DISC1: variants seen among roughly 807,000 people sequenced by gnomAD.
DISC1 encodes DISC1 scaffold protein.
Under a neutral mutation model 84.5 loss-of-function variants are expected in DISC1, and 57 were observed. The observed-to-expected ratio is 0.67, with a 90% CI of 0.55 to 0.84. The LOEUF (loss-of-function observed/expected upper bound fraction) is 0.84, where lower values mean the gene tolerates loss of function less well. Among genes scored for constraint, DISC1 ranks in the 40% least tolerant of loss-of-function variants. The pLI is 0.00. For synonymous variants in DISC1, 411 were observed against 415.2 expected (o/e 0.99, Z 0.12); for missense variants, 1,000 against 1,057.8 (o/e 0.95, Z 0.76).
intron 10 of DISC1, among the ~76,000 whole-genome samples, chr1:231,988,354 G>T (rs574572352): frequency 1.4e-4 from 22 of 152,292 alleles, no homozygotes; most frequent in Non-Finnish European, 2.6e-4. Context: ...TCATAGGCAC[G>T]TTAATTATTT....
chr1:231,662,637 A>G (rs1040185284), intron 1 of DISC1, among the ~76,000 whole-genome samples: 1 of 152,242 alleles, frequency 6.6e-6, no homozygotes, highest in African/African-American at 2.4e-5. Flanking sequence ...GACCAAAGAG[A>G]TGGTGGCTGC....
In DISC1 at chr1:231,985,090, G is replaced by A. The variant is rs547345057; in HGVS notation, c.2043-23695G>A. On this transcript the variant is annotated intron_variant, in intron 10 of 12. Coordinates refer to ENST00000439617, the MANE Select transcript of DISC1 (RefSeq NM_018662.3). The stretch of plus-strand genomic sequence containing the variant: ...AATCCCAGCACTTTGGGAGGCCAAG[G>A]TGGGTGGGTCACCTGAGGTCAGAAG... 4.6e-5 allele frequency among the ~76,000 whole-genome samples: 7 copies of A among 152,210 alleles called. No homozygotes were observed. The South Asian group carries it at 1.5e-3, about 32-fold the overall frequency.
chr1:231,641,920 G>C (rs994193746), intron 1 of DISC1, among the ~76,000 whole-genome samples: 4 of 152,234 alleles, frequency 2.6e-5, no homozygotes, highest in Admixed American at 2.6e-4. Flanking sequence ...TACAGGTGGA[G>C]CTGCCTGCCA....
chr1:231,845,987 C>T (rs534643248), intron 9 of DISC1, among the ~76,000 whole-genome samples: 2 of 152,072 alleles, frequency 1.3e-5, no homozygotes, highest in South Asian at 2.1e-4. Context: ...AGGATCAAGG[C>T]CCCCAGAGAA....
intron 9 of DISC1, among the ~76,000 whole-genome samples, chr1:231,884,179 C>G (rs758181305): frequency 6.6e-6 from 1 of 152,124 alleles, no homozygotes; most frequent in Non-Finnish European, 1.5e-5. Flanking sequence ...CAGTGGCAAC[C>G]TCCGAGTGTG....
In DISC1 at chr1:232,038,940, G is replaced by C. The variant is rs201643607; in HGVS notation, c.*2109G>C. The C allele has an allele frequency of 2.9e-4, 44 of 152,338 alleles. No homozygotes were observed. The highest frequency in any genetic ancestry group is 1.0e-3 in the African/African-American group (43 of 41,574). The allele number at this position is 152,338 out of a possible 1,614,324, so 9.4% of individuals were successfully genotyped here. A position where few individuals can be genotyped will look rare whatever the true frequency, so the allele number is the denominator to read the frequency against. ...GTGCAGCACTTCTGTCCTCAGTCAA[G>C]GAGATGGCCATGCTTAAGCCAGCAA... On this transcript the variant is annotated 3_prime_UTR_variant, in exon 13 of 13. Coordinates refer to ENST00000439617, the MANE Select transcript of DISC1 (RefSeq NM_018662.3).
intron 4 of DISC1, among the ~76,000 whole-genome samples, chr1:231,760,067 C>G (rs1573578404): frequency 6.6e-6 from 1 of 152,326 alleles, no homozygotes; most frequent in East Asian, 1.9e-4. Flanking sequence ...TCATGTGCCT[C>G]TCTTGCCGGG....
Position 231,792,714 on chromosome 1 carries a change from C to T in DISC1, c.1635-2528C>T, listed in dbSNP as rs140019859. On this transcript the variant is annotated intron_variant, in intron 6 of 12. Coordinates refer to ENST00000439617, the MANE Select transcript of DISC1 (RefSeq NM_018662.3). ...CCAGTACGGGTCCATGTTGGATGCC[C>T]TCTGTCCTTCTCACCACCCTAAGTG... 2.6e-3 allele frequency among the ~76,000 whole-genome samples: 402 copies of T among 152,300 alleles called. 2 individuals carry two copies. Among genetic ancestry groups the T allele is most frequent in the African/African-American group, 9.1e-3 (379 of 41,572 alleles).
At chr1:231,930,015 G>A (rs1034692260) in intron 9 of DISC1, among the ~76,000 whole-genome samples, 1 of 152,124 alleles carries the variant, frequency 6.6e-6, no homozygotes, top group Non-Finnish European at 1.5e-5. Context: ...GTTAGCCCTG[G>A]ACATCAAGCC....
At chr1:231,790,350 G>T (rs1194767885) in intron 6 of DISC1, among the ~76,000 whole-genome samples, 1 of 152,112 alleles carries the variant, frequency 6.6e-6, no homozygotes, top group Middle Eastern at 3.2e-3. Flanking sequence ...TTAGACAACA[G>T]AAATTTATTT....
chr1:231,828,822 A>G (rs928305683), intron 9 of DISC1, among the ~76,000 whole-genome samples: 5 of 152,106 alleles, frequency 3.3e-5, no homozygotes, highest in African/African-American at 1.2e-4. Flanking sequence ...GCACCAGTTA[A>G]TCCTCGTAAC....
At chr1:231,966,742 T>C (rs1329320966) in intron 10 of DISC1, among the ~76,000 whole-genome samples, 1 of 152,250 alleles carries the variant, frequency 6.6e-6, no homozygotes, top group Non-Finnish European at 1.5e-5. Context: ...CTTGGTAGAT[T>C]ATAAGTGATG....
rs1411973345 is a variant in DISC1, at chr1:231,800,196, T to G, written c.1778T>G (p.Met593Arg). 6.2e-7 allele frequency: 1 copy of G among 1,611,770 alleles called. No homozygotes were observed. Among genetic ancestry groups the G allele is most frequent in the Non-Finnish European group, 8.5e-7 (1 of 1,179,528 alleles). Reference protein sequence around the residue: ...TQLPALLEAKMHAISGNHFWT... With the variant: ...TQLPALLEAKRHAISGNHFWT... ...CTACCAGCCTTGCTTGAAGCCAAAA[T>G]GCATGCCATATCAGGTAACTGGCAG... The change falls in exon 8 of 13, where the codon ATG (methionine) becomes AGG (arginine). Residue 593 changes from methionine to arginine, a missense_variant. By Grantham distance (91) the Met-to-Arg change is moderately conservative. Around this residue, in one of 3 missense-constraint regions of DISC1, gnomAD observed 397 missense variants for 377.5 expected, o/e 1.05. Transcript: ENST00000439617.
intron 3 of DISC1, among the ~76,000 whole-genome samples, chr1:231,714,274 G>A (rs1051861597): frequency 1.3e-5 from 2 of 152,048 alleles, no homozygotes; most frequent in East Asian, 3.9e-4. Context: ...ATGGAAAATA[G>A]CCCAGAAATA....
At position 231,722,038 on chromosome 1, in the gene DISC1, G is replaced by T. The variant is rs567898068; in HGVS notation, c.1117+20014G>T. On this transcript the variant is annotated intron_variant, in intron 3 of 12. Transcript: ENST00000439617. Reference sequence around the variant, plus strand: ...TGTGGTGGCGGGCACCTGTAATCCCGGCTACTCGGGAGGCTGAGGCAGGAG... The same window carrying T: ...TGTGGTGGCGGGCACCTGTAATCCCTGCTACTCGGGAGGCTGAGGCAGGAG... Among the ~76,000 whole-genome samples, 15 of 151,620 alleles carry T rather than the reference G, an allele frequency of 9.9e-5. No homozygotes were observed. The South Asian group carries it at 3.1e-3, about 32-fold the overall frequency.
chr1:231,987,491 C>T (rs923726758), intron 10 of DISC1, among the ~76,000 whole-genome samples: 2 of 152,256 alleles, frequency 1.3e-5, no homozygotes, highest in African/African-American at 4.8e-5. Context: ...AAATAATCAG[C>T]ACCATACAAA....
chr1:231,734,052 A>C (rs942714117), intron 3 of DISC1, among the ~76,000 whole-genome samples: 2 of 151,900 alleles, frequency 1.3e-5, no homozygotes, highest in Non-Finnish European at 2.9e-5. Context: ...GTTTGTGAGC[A>C]CTTTCCATTG....
At chr1:231,910,778 TAA>T (rs1489099541) in intron 9 of DISC1, among the ~76,000 whole-genome samples, 3 of 152,314 alleles carry the variant, frequency 2.0e-5, no homozygotes, top group African/African-American at 7.2e-5. Flanking sequence ...AGTGGGGTGT[TAA>T]AGTCTCCCAT....
chr1:231,962,617 G>C (rs1660543406), intron 10 of DISC1, among the ~76,000 whole-genome samples: 1 of 152,208 alleles, frequency 6.6e-6, no homozygotes, highest in Non-Finnish European at 1.5e-5. Flanking sequence ...TTTATGGTCA[G>C]CTCCAAGACA....
Sources: allele counts gnomAD v4.1 joint callset (sites outside exome capture counted in the v4.1 genomes callset), GRCh38; gene constraint gnomAD v4.1.1; regional missense constraint gnomAD v4.1.1; transcripts MANE v1.5; gene names NCBI Gene and HGNC (gene_info 2026-07-23, HGNC 2026-07-21).